UBR4: variants seen among roughly 807,000 people sequenced by gnomAD.
UBR4 encodes the protein E3 ubiquitin-protein ligase UBR4.
Under a neutral mutation model 575.6 loss-of-function variants are expected in UBR4, and 124 were observed. The ratio of observed to expected loss-of-function variants is 0.22; its 90% CI spans 0.19 to 0.25. The LOEUF (loss-of-function observed/expected upper bound fraction) is 0.25. UBR4 is among the 10% of genes least tolerant of loss of function. The pLI is 1.00. For missense variants in UBR4, 4,818 were observed against 6,478.8 expected (o/e 0.74, Z 8.80); for synonymous variants, 2,455 against 2,473.7 (o/e 0.99, Z 0.22).
chr1:19,155,447 G>A lies in UBR4; in HGVS notation c.6294C>T (p.Asp2098=). ...TAGCAACATGTGCTCTAACCTTCAG[G>A]TCCTCATGATTGATTTCCAACACAT... ...VTNVLEINHE[D]LKDSNSQVAG... is the part of the protein sequence containing the mutation. The change falls in exon 43 of 106, where the codon GAC becomes GAT. Residue 2098 remains aspartate, a synonymous_variant. Transcript: ENST00000375254. 6.2e-7 allele frequency: 1 copy of A among 1,613,890 alleles called. No homozygotes were observed. Among genetic ancestry groups the A allele is most frequent in the South Asian group, 1.1e-5 (1 of 91,008 alleles).
chr1:19,160,529 G>T (rs1486786296), intron 38 of UBR4, among the ~76,000 whole-genome samples: 2 of 152,080 alleles, frequency 1.3e-5, no homozygotes, highest in Non-Finnish European at 1.5e-5. Flanking sequence ...AATGCGCAAA[G>T]GCATCCCTCA....
At chr1:19,131,642 G>C (rs1016192653) in intron 60 of UBR4, among the ~76,000 whole-genome samples, 8 of 152,196 alleles carry the variant, frequency 5.3e-5, no homozygotes, top group Non-Finnish European at 1.0e-4. Context: ...GGGAGGCCAA[G>C]GTGGGCAGAT....
chr1:19,196,780 A>G lies in UBR4; in HGVS notation c.1018+361T>C, dbSNP rs74733592. Among the ~76,000 whole-genome samples the G allele has an allele frequency of 8.9e-3, 1,350 of 152,278 alleles. 18 individuals carry two copies. Among genetic ancestry groups the G allele is most frequent in the African/African-American group, 0.031 (1,274 of 41,550 alleles). Reference sequence around the variant, plus strand: ...TGCCTTTAATACTGTTTTATATTATACTATTTAGCTTTATGTGTTCTCTGC... The same window carrying G: ...TGCCTTTAATACTGTTTTATATTATGCTATTTAGCTTTATGTGTTCTCTGC... On this transcript the variant is annotated intron_variant, in intron 8 of 105. Transcript: ENST00000375254.
chr1:19,143,691 G>A (rs984423056), intron 55 of UBR4, among the ~76,000 whole-genome samples: 1 of 152,134 alleles, frequency 6.6e-6, no homozygotes, highest in Non-Finnish European at 1.5e-5. Flanking sequence ...TAAGACCCTC[G>A]CTTACCAACC....
At position 19,144,821 on chromosome 1, in the gene UBR4, C is replaced by CTACA; in HGVS notation, c.8031_8032insTGTA (p.Ala2678CysfsTer14). Reference sequence around the variant, plus strand: ...AGCATCTGCATGTAGATCTTGGATGCTGTGTTAATACAATCCAGCTCACAG... The same window carrying CTACA: ...AGCATCTGCATGTAGATCTTGGATGCTACATGTGTTAATACAATCCAGCTCACAG... On this transcript the variant is annotated frameshift_variant, in exon 54 of 106. Coordinates refer to ENST00000375254, the MANE Select transcript of UBR4 (RefSeq NM_020765.3). LOFTEE classifies it high-confidence loss of function. The CTACA allele has an allele frequency of 6.2e-7, 1 of 1,613,756 alleles. No homozygotes were observed. The highest frequency in any genetic ancestry group is 1.1e-5 in the South Asian group (1 of 91,022).
intron 87 of UBR4, among the ~76,000 whole-genome samples, chr1:19,102,601 A>G (rs370786576): frequency 1.8e-4 from 27 of 152,302 alleles, no homozygotes; most frequent in Middle Eastern, 3.4e-3. Context: ...CTGCCACACT[A>G]ACACAGAACA....
At chr1:19,101,753 T>A in intron 87 of UBR4, 112 bp from the exon 88 acceptor site, 1 of 1,485,732 alleles carries the variant, frequency 6.7e-7, no homozygotes, top group Non-Finnish European at 9.1e-7. Flanking sequence ...TGGTAAGTCT[T>A]TAAATGCCCT....
chr1:19,121,867 A>T, intron 67 of UBR4, 67 bp downstream of exon 67: 1 of 1,561,246 alleles, frequency 6.4e-7, no homozygotes, highest in Non-Finnish European at 8.8e-7. Context: ...AGTGCTTGGC[A>T]TATAGTAGGC....
chr1:19,190,791 A>G (rs1236991754), intron 11 of UBR4, among the ~76,000 whole-genome samples: 1 of 152,136 alleles, frequency 6.6e-6, no homozygotes, highest in East Asian at 1.9e-4. Context: ...AGTCACCTTC[A>G]TATCTCATCT....
rs756549939 is a variant in UBR4, at chr1:19,165,686, C to T, written c.4181G>A (p.Arg1394His). ...LEKQLESSQA[R>H]KAMEEFFSDS... ...AGAGAAAAACTCCTCCATAGCTTTACGAGCCTGGCTACTTTCCAGCTGCTT... is the reference window on the plus strand; with the variant it reads ...AGAGAAAAACTCCTCCATAGCTTTATGAGCCTGGCTACTTTCCAGCTGCTT... The change falls in exon 30 of 106, where the codon CGT becomes CAT. Residue 1394 changes from arginine to histidine, a missense_variant. Physicochemically the swap from Arg to His is conservative, Grantham distance 29. Coordinates refer to ENST00000375254, the MANE Select transcript of UBR4 (RefSeq NM_020765.3). 70 of 1,614,016 alleles carry T rather than the reference C, an allele frequency of 4.3e-5. No individual in the cohort carries two copies. Among genetic ancestry groups the T allele is most frequent in the Admixed American group, 8.3e-5 (5 of 60,002 alleles).
chr1:19,146,529 A>G (rs1414961689), intron 52 of UBR4, among the ~76,000 whole-genome samples: 1 of 152,232 alleles, frequency 6.6e-6, no homozygotes, highest in African/African-American at 2.4e-5. Context: ...GGCCCAACCA[A>G]GCTTAGCTTT....
At chr1:19,187,095 T>TGC in intron 13 of UBR4, 69 bp downstream of exon 13, 1 of 807,930 alleles carries the variant, frequency 1.2e-6, no homozygotes, top group African/African-American at 2.0e-5. Context: ...TATATATATA[T>TGC]ACATATATAT....
At position 19,193,416 on chromosome 1, in the gene UBR4, C is replaced by T. The variant is rs777354586; in HGVS notation, c.1143+17G>A. Reference sequence around the variant, plus strand: ...TTGAACAATCAAGGTTCCCTTATCCCCAGATCTTTGGCTTACACATTTCTG... The same window carrying T: ...TTGAACAATCAAGGTTCCCTTATCCTCAGATCTTTGGCTTACACATTTCTG... On this transcript the variant is annotated intron_variant, in intron 9 of 105. Coordinates refer to ENST00000375254, the MANE Select transcript of UBR4 (RefSeq NM_020765.3). 5 of 1,612,724 alleles carry T rather than the reference C, an allele frequency of 3.1e-6. No homozygotes were observed. The highest frequency in any genetic ancestry group is 4.2e-6 in the Non-Finnish European group (5 of 1,179,214).
rs2077963673 is a variant in UBR4, at chr1:19,095,682, A to G, written c.13519-30T>C. 7 of 1,604,754 alleles carry G rather than the reference A, an allele frequency of 4.4e-6. No individual in the cohort carries two copies. The African/African-American group carries it at 8.0e-5, about 18-fold the overall frequency. The stretch of plus-strand genomic sequence containing the variant: ...CAAGAAAAGCCAGTCAAAACCCATG[A>G]GGCCACATGAGAGTGTAGGACATGG... On this transcript the variant is annotated intron_variant, in intron 92 of 105. Coordinates refer to ENST00000375254, the MANE Select transcript of UBR4 (RefSeq NM_020765.3).
intron 84 of UBR4, 115 bp from the exon 85 acceptor site, chr1:19,105,304 T>C: frequency 7.9e-7 from 1 of 1,268,428 alleles, no homozygotes; most frequent in South Asian, 1.5e-5. Flanking sequence ...TCTCTCCTGC[T>C]TCCTAGAGGG....
intron 87 of UBR4, among the ~76,000 whole-genome samples, chr1:19,102,921 A>C (rs2149107297): frequency 6.6e-6 from 1 of 152,254 alleles, no homozygotes; most frequent in Admixed American, 6.5e-5. Context: ...TCCTCTGAAA[A>C]CTTGTAATGA....
intron 60 of UBR4, among the ~76,000 whole-genome samples, chr1:19,130,522 T>C (rs1020738842): frequency 6.6e-6 from 1 of 152,116 alleles, no homozygotes; most frequent in Non-Finnish European, 1.5e-5. Flanking sequence ...TCTCTAAAAA[T>C]AGAACGAATG....
chr1:19,193,982 T>C, intron 8 of UBR4, among the ~76,000 whole-genome samples: 1 of 152,182 alleles, frequency 6.6e-6, no homozygotes, highest in East Asian at 1.9e-4. Flanking sequence ...CATGACATTC[T>C]AGAAAAGGTA....
At chr1:19,165,888 G>T in intron 29 of UBR4, 131 bp from the exon 30 acceptor site, 1 of 704,542 alleles carries the variant, frequency 1.4e-6, no homozygotes, top group Non-Finnish European at 2.3e-6. Flanking sequence ...TTTTGGCAAA[G>T]CTTAACATAA....
Sources: allele counts gnomAD v4.1 joint callset (sites outside exome capture counted in the v4.1 genomes callset), GRCh38; gene constraint gnomAD v4.1.1; transcripts MANE v1.5; gene names NCBI Gene and HGNC (gene_info 2026-07-23, HGNC 2026-07-21).